Variants in TRPS1 observed in about 807,000 individuals in gnomAD.
TRPS1 encodes the protein transcriptional repressor GATA binding 1.
TRPS1 carries 6 observed loss-of-function variants against 101.2 expected under a neutral mutation model. The observed-to-expected ratio is 0.06, with a 90% confidence interval of 0.03 to 0.12. The LOEUF (loss-of-function observed/expected upper bound fraction) is 0.12. Ranked by LOEUF, TRPS1 falls within the 10% of genes least tolerant of loss-of-function variation. TRPS1 has a pLI of 1.00. For missense variants in TRPS1, 1,363 were observed against 1,567.0 expected, an observed-to-expected ratio of 0.87 and a Z score of 2.20; for synonymous variants, 578 against 589.8, an observed-to-expected ratio of 0.98 and a Z score of 0.29.
chr8:115,541,324 G>A (rs930351421), intron 5 of TRPS1, among the ~76,000 whole-genome samples: 2 of 152,058 alleles, frequency 1.3e-5, no homozygotes, highest in Admixed American at 1.3e-4. Flanking sequence ...TCACCACAGT[G>A]CAAAATTTTC....
rs1241229071 is a variant in TRPS1 at position 115,521,731 on chromosome 8, T to A, written c.2700+65270A>T. Among the ~76,000 whole-genome samples the A allele has an allele frequency of 2.0e-5, 3 of 152,070 alleles. No individual in the cohort carries two copies. The East Asian group carries it at 5.8e-4, about 29-fold the overall frequency. On this transcript the variant is annotated intron_variant, in intron 5 of 6. Coordinates refer to ENST00000395715, the MANE Select transcript of TRPS1 (RefSeq NM_014112.5). Reference sequence around the variant, plus strand: ...TACTTTATTTAAAAAATAGCAATATTTGTAGAAGATACAACCTCAGAGCAT... The same window carrying A: ...TACTTTATTTAAAAAATAGCAATATATGTAGAAGATACAACCTCAGAGCAT...
rs1223567181 is a variant in TRPS1 at position 115,604,363 on chromosome 8, A to G, written c.1606T>C (p.Tyr536His). The stretch of plus-strand genomic sequence containing the variant: ...CGGAAGTCACAGAACTGACAATTAT[A>G]GCTCGTTACCATATTATCCTCGGCT... ...KGAEDNMVTS[Y>H]NCQFCDFRYS... Residue 536 changes from tyrosine (Y) to histidine (H), a missense_variant, in exon 4 of 7, where the codon TAT (tyrosine) becomes CAT (histidine). Coordinates refer to ENST00000395715, the MANE Select transcript of TRPS1 (RefSeq NM_014112.5). The surrounding 1 kb of genome is among the most constrained non-coding windows in gnomAD (Gnocchi z 4.1). The G allele has an allele frequency of 2.5e-6, 4 of 1,613,916 alleles. No homozygotes were observed.
At chr8:115,495,557 T>C (rs1347165010) in intron 5 of TRPS1, among the ~76,000 whole-genome samples, 1 of 151,490 alleles carries the variant, frequency 6.6e-6, no homozygotes, top group Non-Finnish European at 1.5e-5. Context: ...TTCCTATTCC[T>C]AAAGAATTTG....
rs1260569177 is a variant in TRPS1, at chr8:115,619,528, C to T, written c.570G>A (p.Leu190=). 4 of 1,614,058 alleles carry T rather than the reference C, an allele frequency of 2.5e-6. No homozygotes were observed. The South Asian group carries it at 4.4e-5, about 18-fold the overall frequency. The change falls in exon 3 of 7, where the codon TTG becomes TTA. Residue 190 remains leucine (L), a synonymous_variant. Transcript: ENST00000395715. ...AQSGQANCQG[L]SPVSVASKNP... is the part of the protein sequence containing the mutation. ...TTTTTGAGGCCACTGAAACTGGGCT[C>T]AAACCTTGACAATTGGCTTGACCAC...
At chr8:115,610,152 G>A (rs1050078293) in intron 3 of TRPS1, among the ~76,000 whole-genome samples, 5 of 152,026 alleles carry the variant, frequency 3.3e-5, no homozygotes, top group African/African-American at 1.2e-4. Flanking sequence ...ATAATTGATA[G>A]CAACAGAGAC....
rs1482416250 is a variant in TRPS1 at position 115,409,286 on chromosome 8, G to T, written c.*4737C>A. The T allele has an allele frequency of 1.4e-5, 1 of 72,486 alleles. No homozygotes were observed. The highest frequency in any genetic ancestry group is 6.1e-5 in the African/African-American group (1 of 16,278). 4.5% of individuals were successfully genotyped at this position (72,486 alleles called of 1,614,324 possible). A position where few individuals can be genotyped will look rare whatever the true frequency, so the allele number is the denominator to read the frequency against. ...GAAAAAAAAAAAAAAAAAAAACAGG[G>T]GAAAACCAGAATTGAGTTTTGGGAC... On this transcript the variant is annotated 3_prime_UTR_variant, in exon 7 of 7. Coordinates refer to ENST00000395715, the MANE Select transcript of TRPS1 (RefSeq NM_014112.5).
Position 115,667,919 on chromosome 8 carries a change from C to T in TRPS1, c.-122+626G>A, listed in dbSNP as rs374671509. ...AGTCTGCGCCCCGCTTGTCACGAGCCCCCAGAAAACTTGCAGTGGCGGCGG... is the reference window on the plus strand; with the variant it reads ...AGTCTGCGCCCCGCTTGTCACGAGCTCCCAGAAAACTTGCAGTGGCGGCGG... On this transcript the variant is annotated intron_variant, in intron 1 of 6. Coordinates refer to ENST00000395715, the MANE Select transcript of TRPS1 (RefSeq NM_014112.5). 2,085 of 1,535,470 alleles carry T rather than the reference C, an allele frequency of 1.4e-3. 6 individuals carry two copies. Among genetic ancestry groups the T allele is most frequent in the Middle Eastern group, 4.7e-3 (28 of 5,984 alleles).
Position 115,414,293 on chromosome 8 carries a change from T to C in TRPS1, c.3615A>G (p.Lys1205=), listed in dbSNP as rs747620806. The part of the protein sequence containing the change: ...KEKTKAPPNV[K]NEGPLNVVKT... ...TTACTACATTCAAGGGACCTTCATTTTTTACATTTGGTGGTGCCTTCGTTT... is the reference window on the plus strand; with the variant it reads ...TTACTACATTCAAGGGACCTTCATTCTTTACATTTGGTGGTGCCTTCGTTT... Residue 1205 remains lysine (K), a synonymous_variant, in exon 7 of 7, where the codon AAA becomes AAG. Transcript: ENST00000395715. This position sits in a 1 kb window ranked among gnomAD's most constrained non-coding sequence, Gnocchi z 4.8. 6 of 1,614,012 alleles carry C rather than the reference T, an allele frequency of 3.7e-6. No individual in the cohort carries two copies. Among genetic ancestry groups the C allele is most frequent in the Non-Finnish European group, 5.1e-6 (6 of 1,179,954 alleles).
chr8:115,643,707 C>A (rs1372860806), intron 1 of TRPS1, among the ~76,000 whole-genome samples: 1 of 152,226 alleles, frequency 6.6e-6, no homozygotes, highest in African/African-American at 2.4e-5. Context: ...GACATCCTCC[C>A]ATGAATCATG....
At position 115,619,788 on chromosome 8, in the gene TRPS1, G is replaced by A. The variant is rs200964070; in HGVS notation, c.310C>T (p.Pro104Ser). The change falls in exon 3 of 7, where the codon CCC (proline) becomes TCC (serine). Residue 104 changes from proline to serine, a missense_variant. Transcript: ENST00000395715. ...GAGGGAAAGTTTCCTCCCTTACTGGGGCTTTCATAATTGAAGCCAGCCTTC... is the reference window on the plus strand; with the variant it reads ...GAGGGAAAGTTTCCTCCCTTACTGGAGCTTTCATAATTGAAGCCAGCCTTC... ...SEKAGFNYES[P>S]SKGGNFPSFP... 1.4e-4 allele frequency: 225 copies of A among 1,614,120 alleles called. No homozygotes were observed. The highest frequency in any genetic ancestry group is 9.9e-4 in the Middle Eastern group (6 of 6,062).
In TRPS1 at chr8:115,668,723, GA is replaced by G. The variant is rs1760342705; in HGVS notation, c.-301del. 1 of 15,478 alleles carries G rather than the reference GA, an allele frequency of 6.5e-5. No individual in the cohort carries two copies. Among genetic ancestry groups the G allele is most frequent in the Non-Finnish European group, 2.0e-4 (1 of 5,000 alleles). The allele number at this position is 15,478 out of a possible 1,614,324, so 1.0% of individuals were successfully genotyped here. A position where few individuals can be genotyped will look rare whatever the true frequency, so the allele number is the denominator to read the frequency against. ...TCCCCCACCCTTATTAAAAAAGAGA[GA>G]GAGAGAGAGAGAGAGAGAAAGAGAA... On this transcript the variant is annotated 5_prime_UTR_variant, in exon 1 of 7. Coordinates refer to ENST00000395715, the MANE Select transcript of TRPS1 (RefSeq NM_014112.5).
chr8:115,461,300 G>C (rs1022676215), intron 5 of TRPS1, among the ~76,000 whole-genome samples: 90 of 27,004 alleles, frequency 3.3e-3, no homozygotes, highest in African/African-American at 0.012. Context: ...TAGATAGATA[G>C]ACAGATACAT....
At chr8:115,643,742 G>A (rs1818953817) in intron 1 of TRPS1, among the ~76,000 whole-genome samples, 1 of 152,184 alleles carries the variant, frequency 6.6e-6, no homozygotes, top group Non-Finnish European at 1.5e-5. Flanking sequence ...TATCTCAAAT[G>A]ATGTATCCTT....
rs901243170 is a variant in TRPS1 at position 115,418,874 on chromosome 8, A to C, written c.2701-422T>G. 7.9e-5 allele frequency among the ~76,000 whole-genome samples: 12 copies of C among 152,220 alleles called. No individual in the cohort carries two copies. The highest frequency in any genetic ancestry group is 1.5e-4 in the Non-Finnish European group (10 of 68,044). On this transcript the variant is annotated intron_variant, in intron 5 of 6. Transcript: ENST00000395715. This position sits in a 1 kb window ranked among gnomAD's most constrained non-coding sequence, Gnocchi z 4.3. ...TTAAAATATAGTCAAGTTTGGAATA[A>C]ATGTAAATCATTTAAAATTAAACTT... is the stretch of plus-strand genomic sequence containing the variant.
Position 115,409,778 on chromosome 8 carries a change from C to T in TRPS1, c.*4245G>A, listed in dbSNP as rs184071224. 3.9e-5 allele frequency: 6 copies of T among 152,406 alleles called. No individual in the cohort carries two copies. The East Asian group carries it at 9.7e-4, about 25-fold the overall frequency. The allele number at this position is 152,406 out of a possible 1,614,324, so 9.4% of individuals were successfully genotyped here. A position where few individuals can be genotyped will look rare whatever the true frequency, so the allele number is the denominator to read the frequency against. On this transcript the variant is annotated 3_prime_UTR_variant, in exon 7 of 7. Coordinates refer to ENST00000395715, the MANE Select transcript of TRPS1 (RefSeq NM_014112.5). ...TTGCAGTTGCCTGCTGATAGAATTC[C>T]ACCTAACAGTACCTACCTTTGATTA...
At chr8:115,471,879 G>A (rs1278589326) in intron 5 of TRPS1, among the ~76,000 whole-genome samples, 1 of 152,234 alleles carries the variant, frequency 6.6e-6, no homozygotes, top group Non-Finnish European at 1.5e-5. Flanking sequence ...GTCACAAGTA[G>A]GTCATGCTGA....
At chr8:115,504,616 G>A (rs1563559283) in intron 5 of TRPS1, among the ~76,000 whole-genome samples, 1 of 152,138 alleles carries the variant, frequency 6.6e-6, no homozygotes, top group Non-Finnish European at 1.5e-5. Context: ...GGTAGAATAG[G>A]CAGGTTCAAT....
At chr8:115,462,641 C>CTT (rs773440841) in intron 5 of TRPS1, among the ~76,000 whole-genome samples, 2 of 62,942 alleles carry the variant, frequency 3.2e-5, no homozygotes, top group African/African-American at 1.2e-4. Context: ...CTCTCTCTCT[C>CTT]TTTTTTTTTT....
chr8:115,626,104 A>G (rs1818502935), intron 1 of TRPS1, among the ~76,000 whole-genome samples: 1 of 151,760 alleles, frequency 6.6e-6, no homozygotes, highest in South Asian at 2.1e-4. Context: ...AAAACTTTTA[A>G]AAGAAAGAAA....
Sources: gnomAD v4.1 joint callset for allele counts (sites outside exome capture counted in the v4.1 genomes callset) on GRCh38, gnomAD v4.1.1 for gene constraint, Gnocchi (gnomAD v3.1) non-coding constraint, MANE v1.5 for transcripts, NCBI Gene and HGNC (gene_info 2026-07-23, HGNC 2026-07-21) for gene names.